Variants in THUMPD2 observed in about 807,000 individuals in gnomAD.
THUMPD2 encodes the protein THUMP domain 2 tRNA and snRNA guanosine methyltransferase, also known as U6 snRNA (guanine-N(2))-methyltransferase THUMPD2.
Under a neutral mutation model 49.4 loss-of-function variants are expected in THUMPD2, and 56 were observed. The observed-to-expected ratio is 1.13, with a 90% CI of 0.91 to 1.41. THUMPD2 has a LOEUF of 1.41. Among genes scored for constraint, THUMPD2 ranks in the 40% most tolerant of loss-of-function variants. The probability of loss-of-function intolerance (pLI) is 0.00; values close to 1 mark genes in which losing one functional copy is unlikely to be tolerated. For synonymous variants in THUMPD2, 237 were observed against 205.2 expected (o/e 1.15, Z -1.32); for missense variants, 709 against 594.5 (o/e 1.19, Z -2.00).
At position 39,769,504 on chromosome 2, in the gene THUMPD2, C is replaced by G. The variant is rs200591463; in HGVS notation, c.672+206G>C. On this transcript the variant is annotated intron_variant, in intron 3 of 9. Transcript: ENST00000505747. The stretch of plus-strand genomic sequence containing the variant: ...ATCACTTGAGGTCAGGAGTTCCAGA[C>G]CAGCCTGACCAATATGGTGAAACCC... 6.6e-4 allele frequency: 294 copies of G among 445,300 alleles called. 2 individuals are homozygous for G. In the East Asian group the frequency reaches 0.011, roughly 17 times the overall value. 27.6% of individuals were successfully genotyped at this position (445,300 alleles called of 1,614,324 possible). A position where few individuals can be genotyped will look rare whatever the true frequency, so the allele number is the denominator to read the frequency against.
intron 1 of THUMPD2, among the ~76,000 whole-genome samples, chr2:39,778,359 C>G (rs77664398): frequency 6.6e-6 from 1 of 152,232 alleles, no homozygotes; most frequent in African/African-American, 2.4e-5. Context: ...CAACCTTTCA[C>G]TGCAGAAACT....
At position 39,769,909 on chromosome 2, in the gene THUMPD2, T is replaced by A; in HGVS notation, c.473A>T (p.Asn158Ile). 1.9e-6 allele frequency: 3 copies of A among 1,593,558 alleles called. No homozygotes were observed. Among genetic ancestry groups the A allele is most frequent in the Non-Finnish European group, 2.6e-6 (3 of 1,174,986 alleles). The change falls in exon 3 of 10, where the codon AAT (asparagine) becomes ATT (isoleucine). Residue 158 changes from asparagine (N) to isoleucine (I), a missense_variant. By Grantham distance (149) the Asn-to-Ile change is moderately radical. Transcript: ENST00000505747. The stretch of plus-strand genomic sequence containing the variant: ...TTGTTTTTCCAGCTGGCAGTCCCTA[T>A]TCTCTTCTATCTTTTGCATTTGTTC... ...KIEQMQKIEE[N>I]RDCQLEKQIK...
chr2:39,763,677 A>G (rs927798387), intron 5 of THUMPD2, among the ~76,000 whole-genome samples: 1 of 152,094 alleles, frequency 6.6e-6, no homozygotes, highest in African/African-American at 2.4e-5. Context: ...TTTCATTTAA[A>G]AATATAATTT....
rs766193990 is a variant in THUMPD2, at chr2:39,744,498, GAA to G, written c.1079-22_1079-21del. The G allele has an allele frequency of 6.8e-7, 1 of 1,476,724 alleles. No homozygotes were observed. Among genetic ancestry groups the G allele is most frequent in the East Asian group, 2.4e-5 (1 of 41,066 alleles). The allele number at this position is 1,476,724 out of a possible 1,614,324, so 91.5% of individuals were successfully genotyped here. A position where few individuals can be genotyped will look rare whatever the true frequency, so the allele number is the denominator to read the frequency against. On this transcript the variant is annotated intron_variant, in intron 8 of 9. Transcript: ENST00000505747. ...GCAATTCTGAAATATAGAAATCAGA[GAA>G]TCCTATTACAGTAGGGTCAAATATT...
intron 5 of THUMPD2, 57 bp downstream of exon 5, chr2:39,766,000 A>C: frequency 2.9e-6 from 4 of 1,376,556 alleles, no homozygotes; most frequent in Non-Finnish European, 4.0e-6. Context: ...TAAAAAACAC[A>C]AGTTCTTAAT....
At chr2:39,778,815 C>G (rs1255735131) in intron 1 of THUMPD2, among the ~76,000 whole-genome samples, 1 of 152,232 alleles carries the variant, frequency 6.6e-6, no homozygotes, top group East Asian at 1.9e-4. Context: ...AGGCCAGATT[C>G]TAATTACAGG....
At chr2:39,738,291 G>A (rs970776056) in intron 9 of THUMPD2, among the ~76,000 whole-genome samples, 1 of 152,180 alleles carries the variant, frequency 6.6e-6, no homozygotes, top group Non-Finnish European at 1.5e-5. Context: ...GGGCCGGCAT[G>A]GTGGCTCACA....
chr2:39,777,671 A>C (rs1194858132), intron 1 of THUMPD2, among the ~76,000 whole-genome samples: 1 of 152,190 alleles, frequency 6.6e-6, no homozygotes, highest in East Asian at 1.9e-4. Flanking sequence ...TTATTTGTTC[A>C]GATCCCATTT....
At position 39,736,999 on chromosome 2, in the gene THUMPD2, A is replaced by G. The variant is rs766395792; in HGVS notation, c.1248T>C (p.Leu416=). The G allele has an allele frequency of 1.2e-6, 2 of 1,614,004 alleles. No homozygotes were observed. The highest frequency in any genetic ancestry group is 2.2e-5 in the South Asian group (2 of 91,084). ...GGATGTTGCTCTCTTTACAATCTGT[A>G]AGGCGCCTGTGGTGATCTTCACTAA... ...LLLSEDHHRR[L]TDCKESNIPF... The change falls in exon 10 of 10, where the codon CTT becomes CTC. Residue 416 remains leucine, a synonymous_variant. Coordinates refer to ENST00000505747, the MANE Select transcript of THUMPD2 (RefSeq NM_025264.5).
intron 8 of THUMPD2, among the ~76,000 whole-genome samples, chr2:39,747,486 T>C (rs776547062): frequency 1.6e-4 from 25 of 152,204 alleles, no homozygotes; most frequent in Non-Finnish European, 3.2e-4. Flanking sequence ...ATACAGTTTA[T>C]AGTCCAAATG....
rs374603777 is a variant in THUMPD2 at position 39,768,439 on chromosome 2, C to G, written c.735G>C (p.Arg245Ser). Residue 245 changes from arginine (R) to serine (S), a missense_variant, in exon 4 of 10, where the codon AGG (arginine) becomes AGC (serine). Physicochemically the swap from Arg to Ser is moderately radical, Grantham distance 110. Transcript: ENST00000505747. The stretch of plus-strand genomic sequence containing the variant: ...TACTCATTACCTCTAATTGTGGATT[C>G]CTCAAGTCTGCTTTCCATCCAAAGT... ...MKHFGWKADL[R>S]NPQLEIFIHL... 10 of 1,612,316 alleles carry G rather than the reference C, an allele frequency of 6.2e-6. No homozygotes were observed. Among genetic ancestry groups the G allele is most frequent in the Non-Finnish European group, 6.8e-6 (8 of 1,179,320 alleles).
At chr2:39,766,384 G>A (rs1458712834) in intron 4 of THUMPD2, among the ~76,000 whole-genome samples, 1 of 152,000 alleles carries the variant, frequency 6.6e-6, no homozygotes, top group Non-Finnish European at 1.5e-5. Flanking sequence ...TTTCTTCCTA[G>A]AGATTCTAGG....
chr2:39,777,267 C>A (rs535537548), intron 1 of THUMPD2, among the ~76,000 whole-genome samples: 9 of 152,172 alleles, frequency 5.9e-5, no homozygotes, highest in Admixed American at 5.9e-4. Flanking sequence ...GTAATTTGCC[C>A]AAAGTTACAA....
At chr2:39,745,321 C>G (rs980778874) in intron 8 of THUMPD2, among the ~76,000 whole-genome samples, 2 of 152,102 alleles carry the variant, frequency 1.3e-5, no homozygotes. Context: ...TTTGTAATCT[C>G]GGAAAGTCTA....
chr2:39,773,559 AT>A (rs1678630690), intron 1 of THUMPD2, among the ~76,000 whole-genome samples: 12 of 37,416 alleles, frequency 3.2e-4, no homozygotes, highest in East Asian at 3.2e-3. Flanking sequence ...ATATTTAAAA[AT>A]ATATATATAT....
chr2:39,779,193 G>C lies in THUMPD2; in HGVS notation c.47C>G (p.Ala16Gly). 1 of 1,518,012 alleles carries C rather than the reference G, an allele frequency of 6.6e-7. No homozygotes were observed. Among genetic ancestry groups the C allele is most frequent in the Non-Finnish European group, 8.8e-7 (1 of 1,138,568 alleles). 94.0% of individuals were successfully genotyped at this position (1,518,012 alleles called of 1,614,324 possible). A position where few individuals can be genotyped will look rare whatever the true frequency, so the allele number is the denominator to read the frequency against. ...GEPGSGPEAG[A>G]RFFCTAGRGL... ...GCGACCCGCAGTGCAGAAGAATCGG[G>C]CGCCAGCCTCAGGCCCGGACCCTGG... The change falls in exon 1 of 10, where the codon GCC (alanine) becomes GGC (glycine). Residue 16 changes from alanine to glycine, a missense_variant. Transcript: ENST00000505747.
intron 4 of THUMPD2, among the ~76,000 whole-genome samples, chr2:39,768,164 T>C (rs1452733275): frequency 6.6e-6 from 1 of 152,184 alleles, no homozygotes; most frequent in Non-Finnish European, 1.5e-5. Flanking sequence ...TCATAATAAA[T>C]GTTTTTTTCT....
chr2:39,761,971 C>T (rs1676879293), intron 5 of THUMPD2, among the ~76,000 whole-genome samples: 1 of 152,144 alleles, frequency 6.6e-6, no homozygotes, highest in Non-Finnish European at 1.5e-5. Context: ...GCAGACATCT[C>T]CCAAATGAGT....
chr2:39,753,306 G>A (rs1243404837), intron 8 of THUMPD2, among the ~76,000 whole-genome samples: 3 of 152,166 alleles, frequency 2.0e-5, no homozygotes, highest in African/African-American at 7.2e-5. Context: ...CCACCAATGA[G>A]AAGCAGCTGA....
Sources: allele counts gnomAD v4.1 joint callset (sites outside exome capture counted in the v4.1 genomes callset), GRCh38; gene constraint gnomAD v4.1.1; transcripts MANE v1.5; gene names NCBI Gene and HGNC (gene_info 2026-07-23, HGNC 2026-07-21).